The following TRHDE variants were observed in gnomAD, a reference collection of about 807,000 sequenced individuals.
TRHDE encodes thyrotropin-releasing hormone-degrading ectoenzyme.
A neutral mutation model predicts 125.7 loss-of-function variants in TRHDE; 72 were observed. The ratio of observed to expected loss-of-function variants is 0.57; its 90% CI spans 0.47 to 0.70. TRHDE has a LOEUF of 0.70. Among genes scored for constraint, TRHDE ranks in the 30% least tolerant of loss-of-function variants. The pLI, the probability that TRHDE is intolerant of heterozygous loss-of-function variation, is 0.00. For synonymous variants in TRHDE, 509 were observed against 509.1 expected, an observed-to-expected ratio of 1.00 and a Z score of 0.00; for missense variants, 1,110 against 1,327.1, an observed-to-expected ratio of 0.84 and a Z score of 2.54.
intron 12 of TRHDE, chr12:72,582,311 T>G (rs1871272772): frequency 1.0e-6 from 1 of 984,806 alleles, no homozygotes; most frequent in African/African-American, 1.7e-5. Context: ...AAGAAAATTA[T>G]GAGAACATTT....
intron 12 of TRHDE, among the ~76,000 whole-genome samples, chr12:72,600,224 T>C (rs1872154755): frequency 6.6e-6 from 1 of 152,098 alleles, no homozygotes; most frequent in Non-Finnish European, 1.5e-5. Context: ...TAGGATTTGT[T>C]TGTCTATTTG....
At chr12:72,159,321 G>T (rs1876586409) in intron 2 of TRHDE, among the ~76,000 whole-genome samples, 1 of 152,138 alleles carries the variant, frequency 6.6e-6, no homozygotes, top group Non-Finnish European at 1.5e-5. Context: ...GTAATTCAAT[G>T]ATCTACTTTG....
intron 2 of TRHDE, among the ~76,000 whole-genome samples, chr12:72,178,183 G>A (rs562246605): frequency 1.4e-4 from 21 of 152,170 alleles, no homozygotes; most frequent in Admixed American, 3.9e-4. Flanking sequence ...CACATAGGGA[G>A]AGTATTTACT....
chr12:72,559,670 A>G (rs1870084863), intron 7 of TRHDE, among the ~76,000 whole-genome samples: 1 of 152,216 alleles, frequency 6.6e-6, no homozygotes, highest in Admixed American at 6.5e-5. Context: ...TTATATCATA[A>G]TGTCAAATCT....
chr12:72,372,473 G>A (rs1270845945), intron 2 of TRHDE, among the ~76,000 whole-genome samples: 2 of 152,166 alleles, frequency 1.3e-5, no homozygotes, highest in African/African-American at 4.8e-5. Context: ...CCATGCCTAT[G>A]TCCTGAATGG....
chr12:72,433,374 A>G (rs550948609), intron 3 of TRHDE, among the ~76,000 whole-genome samples: 7 of 152,270 alleles, frequency 4.6e-5, no homozygotes, highest in Admixed American at 2.0e-4. Context: ...ATCTGGTCCA[A>G]TTAAATTCAG....
intron 2 of TRHDE, among the ~76,000 whole-genome samples, chr12:72,319,900 C>T (rs1356589980): frequency 6.6e-6 from 1 of 151,934 alleles, no homozygotes; most frequent in Non-Finnish European, 1.5e-5. Context: ...CTGATGATGT[C>T]TCCCTCTTTG....
chr12:72,119,195 AG>A lies in TRHDE; in HGVS notation n.279+13444del, dbSNP rs1875519077. ...ACTTACGACTTTAAATTTCCCTCTT[AG>A]TACTGCTTTTGCCGTATCCCATATG... On this transcript the variant is annotated intron_variant and non_coding_transcript_variant, in intron 2 of 4. Transcript: ENST00000548156. Among the ~76,000 whole-genome samples the A allele has an allele frequency of 2.0e-5, 3 of 152,042 alleles. No homozygotes were observed. In the South Asian group the frequency reaches 6.2e-4, roughly 32 times the overall value.
intron 4 of TRHDE, among the ~76,000 whole-genome samples, chr12:72,470,347 T>C (rs1441072945): frequency 6.6e-6 from 1 of 152,214 alleles, no homozygotes; most frequent in Middle Eastern, 3.2e-3. Context: ...ATTCCCCTTT[T>C]CCCACCACAT....
At chr12:72,326,348 A>G (rs1350968327) in intron 2 of TRHDE, among the ~76,000 whole-genome samples, 1 of 152,114 alleles carries the variant, frequency 6.6e-6, no homozygotes, top group African/African-American at 2.4e-5. Context: ...GAGTTGAACA[A>G]TGAGAACAGA....
intron 2 of TRHDE, chr12:72,137,671 G>A (rs1435521338): frequency 1.3e-5 from 2 of 152,212 alleles, no homozygotes; most frequent in Admixed American, 1.3e-4. Flanking sequence ...TTCAGAGTAT[G>A]TGACCATTTC....
At chr12:72,215,388 G>A (rs539840450) in intron 2 of TRHDE, among the ~76,000 whole-genome samples, 1 of 152,132 alleles carries the variant, frequency 6.6e-6, no homozygotes, top group Non-Finnish European at 1.5e-5. Context: ...GTTACTTCAG[G>A]CCATCTGGGC....
intron 2 of TRHDE, among the ~76,000 whole-genome samples, chr12:72,199,440 G>C (rs2139353878): frequency 6.6e-6 from 1 of 152,306 alleles, no homozygotes; most frequent in East Asian, 1.9e-4. Flanking sequence ...TACCTGGATA[G>C]AGCCTGTTGG....
intron 5 of TRHDE, among the ~76,000 whole-genome samples, chr12:72,490,536 A>G (rs1210269558): frequency 6.6e-6 from 1 of 151,758 alleles, no homozygotes; most frequent in Non-Finnish European, 1.5e-5. Flanking sequence ...TCACTGAAGC[A>G]TTAGTCACAA....
intron 5 of TRHDE, among the ~76,000 whole-genome samples, chr12:72,478,332 A>G (rs185192304): frequency 1.5e-3 from 233 of 152,234 alleles, no homozygotes; most frequent in African/African-American, 5.4e-3. Flanking sequence ...TTTGGGTCTC[A>G]TGGAATCCCA....
rs569455071 is a variant in TRHDE at position 72,647,945 on chromosome 12, G to A, written c.2676-4377G>A. Reference sequence around the variant, plus strand: ...CATCACCCTGGTAGCAAAGCCAGGTGAAGACATCACAAGAAATGAAAACTA... The same window carrying A: ...CATCACCCTGGTAGCAAAGCCAGGTAAAGACATCACAAGAAATGAAAACTA... On this transcript the variant is annotated intron_variant, in intron 15 of 18. Transcript: ENST00000261180. Among the ~76,000 whole-genome samples the A allele has an allele frequency of 7.1e-4, 108 of 152,148 alleles. No individual in the cohort carries two copies. In the Middle Eastern group the frequency reaches 0.014, roughly 19 times the overall value.
chr12:72,456,644 G>A (rs1875868186), intron 3 of TRHDE, among the ~76,000 whole-genome samples: 1 of 151,842 alleles, frequency 6.6e-6, no homozygotes, highest in African/African-American at 2.4e-5. Context: ...TTTCTATTAT[G>A]TCAATTCCCT....
At chr12:72,478,827 T>C (rs1415194837) in intron 5 of TRHDE, among the ~76,000 whole-genome samples, 1 of 149,918 alleles carries the variant, frequency 6.7e-6, no homozygotes, top group Non-Finnish European at 1.5e-5. Flanking sequence ...AGTGTGTATG[T>C]ATTCAGATAA....
At chr12:72,261,841 A>G (rs371041922) in intron 2 of TRHDE, among the ~76,000 whole-genome samples, 11 of 152,160 alleles carry the variant, frequency 7.2e-5, no homozygotes, top group African/African-American at 2.7e-4. Context: ...CCATGGCATT[A>G]TTGTTTGAAT....
Sources: gnomAD v4.1 joint callset for allele counts (sites outside exome capture counted in the v4.1 genomes callset) on GRCh38, gnomAD v4.1.1 for gene constraint, MANE v1.5 for transcripts, NCBI Gene and HGNC (gene_info 2026-07-23, HGNC 2026-07-21) for gene names.